Variants in TMEM177 observed in about 807,000 individuals in gnomAD.
The protein encoded by TMEM177 is transmembrane protein 177.
Under a neutral mutation model 14.2 loss-of-function variants are expected in TMEM177, and 4 were observed. The ratio of observed to expected loss-of-function variants is 0.28; its 90% CI spans 0.14 to 0.64. The LOEUF (loss-of-function observed/expected upper bound fraction) is 0.64. Ranked by LOEUF, TMEM177 falls within the 30% of genes least tolerant of loss-of-function variation. The pLI is 0.82. For synonymous variants in TMEM177, 179 were observed against 174.5 expected (o/e 1.03, Z -0.20); for missense variants, 344 against 405.2 (o/e 0.85, Z 1.30).
At chr2:119,685,540 A>G (rs1688999486), downstream of TMEM177, 1 of 640,158 alleles carries the variant, frequency 1.6e-6, no homozygotes, top group African/African-American at 1.8e-5. Flanking sequence ...ATGTCCCTAT[A>G]GTAACATAAT....
chr2:119,697,619 T>C, the TMEM177 span, among the ~76,000 whole-genome samples: 2 of 152,172 alleles, frequency 1.3e-5, no homozygotes, highest in Non-Finnish European at 2.9e-5. Context: ...TCCCTCTGCC[T>C]AAAGCACTGC....
At chr2:119,693,537 G>C in the TMEM177 span, among the ~76,000 whole-genome samples, 2 of 152,162 alleles carry the variant, frequency 1.3e-5, no homozygotes, top group African/African-American at 2.4e-5. Context: ...CACTCAGACC[G>C]TCCACAGGCA....
At chr2:119,711,994 G>A in the TMEM177 span, among the ~76,000 whole-genome samples, 7 of 152,016 alleles carry the variant, frequency 4.6e-5, no homozygotes, top group Non-Finnish European at 1.0e-4. Flanking sequence ...GAATTTCCAC[G>A]TGCATGGTCC....
the TMEM177 span, among the ~76,000 whole-genome samples, chr2:119,698,280 C>T: frequency 6.6e-6 from 1 of 152,174 alleles, no homozygotes. Flanking sequence ...AGTGTTCCTT[C>T]TGGAGGGAAC....
chr2:119,717,162 C>G, the TMEM177 span, among the ~76,000 whole-genome samples: 1 of 152,166 alleles, frequency 6.6e-6, no homozygotes, highest in Non-Finnish European at 1.5e-5. Flanking sequence ...TTCTAGCATT[C>G]AGGACCAGCT....
chr2:119,682,195 A>G (rs1304549405), downstream of TMEM177: 1 of 152,836 alleles, frequency 6.5e-6, no homozygotes, highest in African/African-American at 2.7e-5. Context: ...ACCATAGCTC[A>G]CTGCAGCCTC....
the TMEM177 span, among the ~76,000 whole-genome samples, chr2:119,717,074 C>T: frequency 2.0e-5 from 3 of 152,322 alleles, no homozygotes; most frequent in East Asian, 3.9e-4. Context: ...CAGGCTTTTG[C>T]CAAGATCCGA....
At chr2:119,704,382 G>C in the TMEM177 span, among the ~76,000 whole-genome samples, 161 of 152,242 alleles carry the variant, frequency 1.1e-3, 1 homozygote, top group African/African-American at 3.8e-3. Flanking sequence ...GGTGGATCAC[G>C]AGGTCAGGAG....
At chr2:119,715,579 A>G in the TMEM177 span, among the ~76,000 whole-genome samples, 1 of 152,098 alleles carries the variant, frequency 6.6e-6, no homozygotes, top group African/African-American at 2.4e-5. Context: ...AGAGGGAAAG[A>G]GCAGTTTGCT....
the TMEM177 span, among the ~76,000 whole-genome samples, chr2:119,715,877 C>T: frequency 6.6e-6 from 1 of 152,198 alleles, no homozygotes; most frequent in Non-Finnish European, 1.5e-5. Context: ...AGCAGACGGG[C>T]CAGCAGCTTG....
chr2:119,715,407 G>A, the TMEM177 span, among the ~76,000 whole-genome samples: 1 of 152,138 alleles, frequency 6.6e-6, no homozygotes, highest in Non-Finnish European at 1.5e-5. Context: ...GAAAAAGAGA[G>A]AGAGAGACAG....
the TMEM177 span, among the ~76,000 whole-genome samples, chr2:119,710,400 G>C: frequency 6.6e-6 from 1 of 152,194 alleles, no homozygotes; most frequent in African/African-American, 2.4e-5. Context: ...CATCCACGGG[G>C]CAGGATGGAG....
the TMEM177 span, among the ~76,000 whole-genome samples, chr2:119,701,009 C>T: frequency 3.9e-5 from 6 of 152,228 alleles, no homozygotes; most frequent in Non-Finnish European, 7.3e-5. Flanking sequence ...ACAGGTCTGA[C>T]TGATCCTGGG....
the TMEM177 span, among the ~76,000 whole-genome samples, chr2:119,702,373 T>TTGGCTGCTGGCTGC: frequency 1.3e-5 from 2 of 152,320 alleles, no homozygotes; most frequent in East Asian, 1.9e-4. Context: ...TGGGGACTCC[T>TTGGCTGCTGGCTGC]TGGCTGCTGG....
the TMEM177 span, among the ~76,000 whole-genome samples, chr2:119,696,659 C>G: frequency 3.9e-5 from 6 of 152,162 alleles, no homozygotes; most frequent in African/African-American, 1.4e-4. Flanking sequence ...CATTTCTCAA[C>G]AGTGTGGCCA....
chr2:119,694,348 C>CCACA, the TMEM177 span, among the ~76,000 whole-genome samples: 2 of 150,880 alleles, frequency 1.3e-5, no homozygotes, highest in Non-Finnish European at 3.0e-5. Flanking sequence ...ACACACACAC[C>CCACA]CACACACACA....
At chr2:119,684,249 C>T (rs1024748992), downstream of TMEM177, among the ~76,000 whole-genome samples, 1 of 152,186 alleles carries the variant, frequency 6.6e-6, no homozygotes, top group African/African-American at 2.4e-5. Flanking sequence ...ATCTGGGCTG[C>T]GGTCTCACAG....
At chr2:119,691,903 C>T in the TMEM177 span, among the ~76,000 whole-genome samples, 1 of 152,202 alleles carries the variant, frequency 6.6e-6, no homozygotes, top group Non-Finnish European at 1.5e-5. Flanking sequence ...TCCCCAGGTC[C>T]GGAGCCACGT....
At chr2:119,701,583 C>T in the TMEM177 span, among the ~76,000 whole-genome samples, 4 of 152,154 alleles carry the variant, frequency 2.6e-5, no homozygotes, top group African/African-American at 7.2e-5. Flanking sequence ...AGTGACAAGG[C>T]CACAGAGGGG....
Sources: allele counts gnomAD v4.1 joint callset (sites outside exome capture counted in the v4.1 genomes callset), GRCh38; gene constraint gnomAD v4.1.1; transcripts MANE v1.5; gene names NCBI Gene and HGNC (gene_info 2026-07-23, HGNC 2026-07-21).